The following ALOX15 variants were observed in gnomAD, a reference collection of about 807,000 sequenced individuals.
ALOX15 encodes the protein polyunsaturated fatty acid lipoxygenase ALOX15.
Under a neutral mutation model 71.7 loss-of-function variants are expected in ALOX15, and 68 were observed. The ratio of observed to expected loss-of-function variants is 0.95; its 90% CI spans 0.78 to 1.16. ALOX15 has a LOEUF of 1.16. Ranked by LOEUF, ALOX15 falls within the 50% of genes most tolerant of loss-of-function variation. The probability of loss-of-function intolerance (pLI) is 0.00; values close to 1 mark genes in which losing one functional copy is unlikely to be tolerated. For synonymous variants in ALOX15, 346 were observed against 333.3 expected, an observed-to-expected ratio of 1.04 and a Z score of -0.42; for missense variants, 798 against 818.8, an observed-to-expected ratio of 0.97 and a Z score of 0.31.
At chr17:4,641,257 T>C (rs957135168) in intron 1 of ALOX15, among the ~76,000 whole-genome samples, 1 of 151,790 alleles carries the variant, frequency 6.6e-6, no homozygotes, top group Non-Finnish European at 1.5e-5. Flanking sequence ...AAGGGAGCTT[T>C]GTGCAATGAG....
chr17:4,636,028 G>A lies in ALOX15; in HGVS notation c.952-60C>T, dbSNP rs374209034. On this transcript the variant is annotated intron_variant, in intron 7 of 13. Coordinates refer to ENST00000293761, the MANE Select transcript of ALOX15 (RefSeq NM_001140.5). ...GAGTGCCAGGCACTCAGCGATTCCC[G>A]CCCCCCTTGCATGTTAACCTCACCC... 9.1e-4 allele frequency: 1,404 copies of A among 1,542,714 alleles called. 11 individuals carry two copies. Among genetic ancestry groups the A allele is most frequent in the South Asian group, 5.9e-3 (523 of 87,930 alleles).
Position 4,639,439 on chromosome 17 carries a change from C to T in ALOX15, c.328G>A (p.Glu110Lys), listed in dbSNP as rs767610436. 1 of 1,613,510 alleles carries T rather than the reference C, an allele frequency of 6.2e-7. No individual in the cohort carries two copies. The change falls in exon 2 of 14, where the codon GAA (glutamate) becomes AAA (lysine). Residue 110 changes from glutamate (E) to lysine (K), a missense_variant. Physicochemically the swap from Glu to Lys is moderately conservative, Grantham distance 56. Transcript: ENST00000293761. ...VEGNGVLSLP[E>K]GTGRTVGEDP... is the part of the protein sequence containing the mutation. The stretch of plus-strand genomic sequence containing the variant: ...TCAGCCCCGCGCTTACCGGTGCCTT[C>T]AGGCAGGCTCAGGACGCCGTTGCCC...
intron 8 of ALOX15, among the ~76,000 whole-genome samples, chr17:4,634,840 A>G (rs1259890579): frequency 1.3e-5 from 2 of 151,938 alleles, no homozygotes; most frequent in South Asian, 2.1e-4. Flanking sequence ...TTAGCCAGGC[A>G]TGGTGGCAGG....
chr17:4,633,559 G>C, intron 8 of ALOX15, 59 bp from the exon 9 acceptor site: 1 of 1,453,308 alleles, frequency 6.9e-7, no homozygotes, highest in Non-Finnish European at 9.6e-7. Context: ...ATCCCTGCAG[G>C]AAACAAGGGC....
At chr17:4,637,021 A>C in intron 7 of ALOX15, 94 bp downstream of exon 7, 3 of 1,472,822 alleles carry the variant, frequency 2.0e-6, no homozygotes, top group South Asian at 1.3e-5. Context: ...GCCTTAGCCC[A>C]GTGCCTTTGC....
intron 7 of ALOX15, among the ~76,000 whole-genome samples, chr17:4,636,489 C>G (rs1206065182): frequency 6.6e-6 from 1 of 152,146 alleles, no homozygotes; most frequent in Non-Finnish European, 1.5e-5. Context: ...CCTTGATCTC[C>G]CTCTGCACTC....
At position 4,631,358 on chromosome 17, in the gene ALOX15, AAGAGGAAGAGAG is replaced by A; in HGVS notation, c.*230_*241del. ...TTTGCCATATAGATCTGAATGAAGAAAGAGGAAGAGAGAGAGGAAGGAAGATAGGAAAGGAGG... is the reference window on the plus strand; with the variant it reads ...TTTGCCATATAGATCTGAATGAAGAAAGAGGAAGGAAGATAGGAAAGGAGG... On this transcript the variant is annotated 3_prime_UTR_variant, in exon 14 of 14. Transcript: ENST00000293761. 1.8e-6 allele frequency: 1 copy of A among 545,762 alleles called. No individual in the cohort carries two copies. The highest frequency in any genetic ancestry group is 2.7e-5 in the South Asian group (1 of 36,444). 33.8% of individuals were successfully genotyped at this position (545,762 alleles called of 1,614,324 possible).
Position 4,641,576 on chromosome 17 carries a change from G to A in ALOX15, c.76C>T (p.Leu26=). The change falls in exon 1 of 14, where the codon CTG becomes TTG. Residue 26 remains leucine, a synonymous_variant. Coordinates refer to ENST00000293761, the MANE Select transcript of ALOX15 (RefSeq NM_001140.5). The part of the protein sequence containing the change: ...AGSNNQVQLW[L]VGQHGEAALG... ...GCCGCCTCCCCGTGCTGGCCGACCA[G>A]CCACAGCTGCACCTGGTTGTTGGAA... 6.2e-7 allele frequency: 1 copy of A among 1,613,752 alleles called. No homozygotes were observed. Among genetic ancestry groups the A allele is most frequent in the Non-Finnish European group, 8.5e-7 (1 of 1,180,028 alleles).
At chr17:4,632,740 G>A (rs1012319389) in intron 11 of ALOX15, 121 bp downstream of exon 11, 1 of 1,475,438 alleles carries the variant, frequency 6.8e-7, no homozygotes, top group East Asian at 2.3e-5. Context: ...AATCTGAGAA[G>A]GCCTCTGGAG....
rs140549513 is a variant in ALOX15 at position 4,633,273 on chromosome 17, G to A, written c.1291C>T (p.Gln431Ter). The A allele has an allele frequency of 7.8e-5, 126 of 1,614,200 alleles. No homozygotes were observed. In the African/African-American group the frequency reaches 1.5e-3, roughly 19 times the overall value. Residue 431 changes from glutamine (Q) to a stop codon, truncating the protein, a stop_gained, in exon 10 of 14, where the codon CAA (glutamine) becomes TAA (stop). Transcript: ENST00000293761. LOFTEE classifies it high-confidence loss of function. ...GGGGHVQLLK[Q>*]AGAFLTYSSF... ...CTGTAGGTTAGGAAGGCTCCAGCTT[G>A]CTTGAGCAGCTGCACGTGGCCTCCC...
intron 10 of ALOX15, 41 bp downstream of exon 10, chr17:4,633,105 A>G (rs1489343823): frequency 6.2e-7 from 1 of 1,607,242 alleles, no homozygotes; most frequent in Non-Finnish European, 8.5e-7. Context: ...TGTCTTCTCC[A>G]CCCCCACTTG....
At position 4,631,649 on chromosome 17, in the gene ALOX15, G is replaced by A. The variant is rs1484137694; in HGVS notation, c.1940C>T (p.Pro647Leu). ...CACGCTGGGCCGCAGGTACTCGTAGGGCATGTCCAGCTTTGCATTCCGGAT... is the reference window on the plus strand; with the variant it reads ...CACGCTGGGCCGCAGGTACTCGTAGAGCATGTCCAGCTTTGCATTCCGGAT... ...IEIRNAKLDM[P>L]YEYLRPSVVE... is the part of the protein sequence containing the mutation. The change falls in exon 14 of 14, where the codon CCC (proline) becomes CTC (leucine). Residue 647 changes from proline to leucine, a missense_variant. Around this residue, in one of 3 missense-constraint regions of ALOX15, gnomAD observed 490 missense variants for 509.4 expected, o/e 0.96. Coordinates refer to ENST00000293761, the MANE Select transcript of ALOX15 (RefSeq NM_001140.5). 14 of 1,613,938 alleles carry A rather than the reference G, an allele frequency of 8.7e-6. No homozygotes were observed. The Admixed American group carries it at 1.5e-4, about 17-fold the overall frequency.
rs761329378 is a variant in ALOX15, at chr17:4,637,267, G to A, written c.808-9C>T. Reference sequence around the variant, plus strand: ...TCGAACAGTGTGCCTCCCTGGGTGGGGGAAGAGGTCAAGGGCTGCTATCAA... The same window carrying A: ...TCGAACAGTGTGCCTCCCTGGGTGGAGGAAGAGGTCAAGGGCTGCTATCAA... On this transcript the variant is annotated splice_polypyrimidine_tract_variant and intron_variant, in intron 6 of 13. Coordinates refer to ENST00000293761, the MANE Select transcript of ALOX15 (RefSeq NM_001140.5). 4 of 1,606,458 alleles carry A rather than the reference G, an allele frequency of 2.5e-6. No homozygotes were observed. The highest frequency in any genetic ancestry group is 3.3e-4 in the Middle Eastern group (2 of 6,034).
Position 4,638,795 on chromosome 17 carries a change from T to G in ALOX15, c.542+55A>C, listed in dbSNP as rs1911209028. On this transcript the variant is annotated intron_variant, in intron 4 of 13. Coordinates refer to ENST00000293761, the MANE Select transcript of ALOX15 (RefSeq NM_001140.5). ...AATGCAGTGCAGCCCATAAGCCCCT[T>G]GGCTTCCACTAGACCAGGACACCTC... 1.9e-6 allele frequency: 3 copies of G among 1,613,420 alleles called. No homozygotes were observed. The South Asian group carries it at 3.3e-5, about 18-fold the overall frequency.
intron 8 of ALOX15, 137 bp from the exon 9 acceptor site, chr17:4,633,637 T>G: frequency 1.5e-6 from 1 of 674,828 alleles, no homozygotes; most frequent in Non-Finnish European, 2.6e-6. Flanking sequence ...CTCTCAACAG[T>G]GAGTTTTCAG....
At chr17:4,632,610 C>T (rs982016907) in intron 11 of ALOX15, among the ~76,000 whole-genome samples, 1 of 152,134 alleles carries the variant, frequency 6.6e-6, no homozygotes, top group Non-Finnish European at 1.5e-5. Context: ...CAAATCAGGA[C>T]GGTTCTTCCC....
Position 4,635,752 on chromosome 17 carries a change from G to A in ALOX15, c.1161+7C>T. ...GGCAGGCAAGAGAGAAGGGGATAAG[G>A]AGTTACCTTGAAGATAGGATGTATC... On this transcript the variant is annotated splice_region_variant and intron_variant, in intron 8 of 13. Transcript: ENST00000293761. The A allele has an allele frequency of 6.2e-7, 1 of 1,614,114 alleles. No homozygotes were observed. The highest frequency in any genetic ancestry group is 8.5e-7 in the Non-Finnish European group (1 of 1,179,974).
In ALOX15 at chr17:4,633,411, TA is replaced by T; in HGVS notation, c.1248+2del. 1 of 1,614,074 alleles carries T rather than the reference TA, an allele frequency of 6.2e-7. No homozygotes were observed. Among genetic ancestry groups the T allele is most frequent in the Non-Finnish European group, 8.5e-7 (1 of 1,179,964 alleles). On this transcript the variant is annotated splice_donor_variant, in intron 9 of 13. Transcript: ENST00000293761. LOFTEE classifies it high-confidence loss of function. ...CCCAGAATCTCCCTTTCTCTTCCCA[TA>T]CCTGGTCGAAAATTCCCATGTCAGA...
In ALOX15 at chr17:4,639,124, C is replaced by T. The variant is rs1186211623; in HGVS notation, c.346G>A (p.Val116Met). 6.2e-7 allele frequency: 1 copy of T among 1,614,210 alleles called. No individual in the cohort carries two copies. The highest frequency in any genetic ancestry group is 8.5e-7 in the Non-Finnish European group (1 of 1,180,040). ...AACAGGCCCTGAGGGTCCTCGCCCA[C>T]AGTGCGGCCTAGAAGGACAGAGGAG... ...LSLPEGTGRTVGEDPQGLFQK... is the reference protein window; with the variant it reads ...LSLPEGTGRTMGEDPQGLFQK... Residue 116 changes from valine to methionine, a missense_variant, in exon 3 of 14, where the codon GTG becomes ATG. This residue lies in a region of ALOX15 where 300 missense variants were observed against 283.1 expected (regional missense o/e 1.06). Transcript: ENST00000293761.
Sources: allele counts gnomAD v4.1 joint callset (sites outside exome capture counted in the v4.1 genomes callset), GRCh38; gene constraint gnomAD v4.1.1; regional missense constraint gnomAD v4.1.1; transcripts MANE v1.5; gene names NCBI Gene and HGNC (gene_info 2026-07-23, HGNC 2026-07-21).